Variants in DMD observed in about 807,000 individuals in gnomAD.
The protein encoded by DMD is dystrophin, also known as mutant dystrophin.
In DMD, 63 loss-of-function variants were observed where a neutral mutation model predicts 330.1. The observed-to-expected ratio is 0.19, with a 90% CI of 0.16 to 0.24. The LOEUF (loss-of-function observed/expected upper bound fraction) is 0.24, where lower values mean the gene tolerates loss of function less well. DMD is among the 10% of genes least tolerant of loss of function. The probability of loss-of-function intolerance (pLI) is 1.00; values close to 1 mark genes in which losing one functional copy is unlikely to be tolerated. For missense variants in DMD, 3,344 were observed against 2,684.1 expected (o/e 1.25, Z -5.43); for synonymous variants, 1,223 against 959.8 (o/e 1.27, Z -5.07).
intron 49 of DMD, among the ~76,000 whole-genome samples, chrX:31,830,586 C>G (rs1052289830): frequency 5.3e-5 from 6 of 112,150 alleles, no homozygotes; most frequent in African/African-American, 1.9e-4. Context: ...AAGAGCGAAA[C>G]TCCGTCTCAA....
Position 31,582,697 on chromosome X carries a change from G to A in DMD, c.8217+44976C>T, listed in dbSNP as rs553132189. On this transcript the variant is annotated intron_variant, in intron 55 of 78. Coordinates refer to ENST00000357033, the MANE Select transcript of DMD (RefSeq NM_004006.3). ...CATTTAAGCCCTTTAGTCACCCTAA[G>A]AAACAGAAAACTTTATGAGGAAACT... Among the ~76,000 whole-genome samples the A allele has an allele frequency of 1.8e-4, 20 of 111,873 alleles. No individual in the cohort carries two copies. In the South Asian group the frequency reaches 7.5e-3, roughly 42 times the overall value.
chrX:31,466,786 T>C (rs745771543), intron 59 of DMD, among the ~76,000 whole-genome samples: 6 of 111,882 alleles, frequency 5.4e-5, no homozygotes, highest in Non-Finnish European at 1.1e-4. Flanking sequence ...ATTCTTCCTA[T>C]CCATGAGCAT....
chrX:32,114,410 C>T (rs2096601559), intron 44 of DMD, among the ~76,000 whole-genome samples: 1 of 111,851 alleles, frequency 8.9e-6, no homozygotes, highest in African/African-American at 3.2e-5. Flanking sequence ...TCGCCTGTTC[C>T]TCCAGCTAGC....
intron 44 of DMD, among the ~76,000 whole-genome samples, chrX:32,051,557 ATAG>A (rs929056400): frequency 4.6e-5 from 5 of 109,667 alleles, no homozygotes; most frequent in Admixed American, 2.0e-4. Flanking sequence ...TTCTTGGCAA[ATAG>A]TAGACACACT....
intron 12 of DMD, among the ~76,000 whole-genome samples, chrX:32,608,287 A>G (rs1036754191): frequency 1.8e-5 from 2 of 110,600 alleles, no homozygotes; most frequent in Non-Finnish European, 3.8e-5. Flanking sequence ...ATGGGATATT[A>G]GATGTCTTCT....
chrX:31,361,577 GTCCTAGGTCAGACT>G (rs1048164957), intron 60 of DMD, among the ~76,000 whole-genome samples: 101 of 111,218 alleles, frequency 9.1e-4, no homozygotes, highest in African/African-American at 3.1e-3. Context: ...GAACATCATT[GTCCTAGGTCAGACT>G]CAGTATCAGC....
chrX:31,355,176 C>T (rs927215476), intron 60 of DMD, among the ~76,000 whole-genome samples: 1 of 112,117 alleles, frequency 8.9e-6, no homozygotes, highest in East Asian at 2.8e-4. Context: ...AATGTTGGTT[C>T]TTTAACTTTG....
chrX:32,062,002 A>T (rs2096228781), intron 44 of DMD, among the ~76,000 whole-genome samples: 1 of 111,066 alleles, frequency 9.0e-6, no homozygotes, highest in South Asian at 3.8e-4. Flanking sequence ...TTCACGGAAT[A>T]ATATAGATCA....
intron 1 of DMD, among the ~76,000 whole-genome samples, chrX:33,240,653 A>G (rs1357300696): frequency 9.0e-6 from 1 of 111,681 alleles, no homozygotes; most frequent in Non-Finnish European, 1.9e-5. Flanking sequence ...GTTTTCAATA[A>G]TGGTTATATT....
intron 1 of DMD, among the ~76,000 whole-genome samples, chrX:33,132,824 T>G (rs1425282955): frequency 8.9e-6 from 1 of 111,965 alleles, no homozygotes; most frequent in East Asian, 2.8e-4. Context: ...TTTCGTTGTC[T>G]GTAAAATGGG....
chrX:32,071,364 C>A (rs1437969558), intron 44 of DMD, among the ~76,000 whole-genome samples: 2 of 109,395 alleles, frequency 1.8e-5, no homozygotes, highest in Non-Finnish European at 3.8e-5. Context: ...TTCTAACTGG[C>A]GTGAGATGGT....
At chrX:31,658,165 G>A (rs2080900499) in intron 53 of DMD, 21 bp from the exon 54 acceptor site, 1 of 1,206,097 alleles carries the variant, frequency 8.3e-7, no homozygotes, top group African/African-American at 1.8e-5. Flanking sequence ...TTATGAGAAA[G>A]AGAATGAATG....
chrX:32,007,086 G>A (rs1331393258), intron 44 of DMD, among the ~76,000 whole-genome samples: 3 of 67,754 alleles, frequency 4.4e-5, no homozygotes, highest in African/African-American at 5.6e-5. Flanking sequence ...GGGGAGGGGG[G>A]GAGGGATAGC....
At chrX:32,831,504 G>A (rs1250185917) in intron 4 of DMD, among the ~76,000 whole-genome samples, 3 of 110,532 alleles carry the variant, frequency 2.7e-5, no homozygotes, top group South Asian at 3.8e-4. Flanking sequence ...TAAATAAGAC[G>A]TCAGAATGAG....
At chrX:32,843,647 G>T (rs558274311) in intron 4 of DMD, among the ~76,000 whole-genome samples, 2 of 112,171 alleles carry the variant, frequency 1.8e-5, no homozygotes, top group South Asian at 7.4e-4. Flanking sequence ...AAGAGTAAGT[G>T]ATCAACGTAC....
At chrX:32,812,584 G>C (rs770540077) in intron 6 of DMD, among the ~76,000 whole-genome samples, 18 of 112,381 alleles carry the variant, frequency 1.6e-4, no homozygotes, top group Non-Finnish European at 2.4e-4. Context: ...AGTGAGCCAA[G>C]GTTGGCCCAC....
intron 63 of DMD, among the ~76,000 whole-genome samples, chrX:31,259,855 T>C (rs1013415241): frequency 6.3e-5 from 7 of 110,920 alleles, no homozygotes; most frequent in African/African-American, 1.6e-4. Flanking sequence ...CACTTACGTA[T>C]ACCTACACAG....
chrX:31,572,609 C>T (rs1276700407), intron 55 of DMD, among the ~76,000 whole-genome samples: 1 of 112,434 alleles, frequency 8.9e-6, no homozygotes, highest in Non-Finnish European at 1.9e-5. Context: ...TACCCCAGCT[C>T]CCTTGCCCCT....
intron 20 of DMD, among the ~76,000 whole-genome samples, chrX:32,488,379 C>A (rs1015877619): frequency 4.5e-5 from 5 of 110,931 alleles, no homozygotes; most frequent in African/African-American, 1.6e-4. Context: ...GGCTCTCTAA[C>A]CCCCACAATA....
Sources: gnomAD v4.1 joint callset for allele counts (sites outside exome capture counted in the v4.1 genomes callset) on GRCh38, gnomAD v4.1.1 for gene constraint, MANE v1.5 for transcripts, NCBI Gene and HGNC (gene_info 2026-07-23, HGNC 2026-07-21) for gene names.